GPR157: variants seen among roughly 807,000 people sequenced by gnomAD.
GPR157 encodes G-protein coupled receptor 157.
In GPR157, 16 loss-of-function variants were observed where a neutral mutation model predicts 23.5. The ratio of observed to expected loss-of-function variants is 0.68; its 90% CI spans 0.46 to 1.04. The LOEUF is 1.04. GPR157 is among the 50% of genes least tolerant of loss of function. The pLI is 0.00. For missense variants in GPR157, 440 were observed against 460.7 expected (o/e 0.96, Z 0.41); for synonymous variants, 200 against 221.5 (o/e 0.90, Z 0.86).
At chr1:9,117,587 C>T (rs796068418) in intron 1 of GPR157, among the ~76,000 whole-genome samples, 1 of 152,310 alleles carries the variant, frequency 6.6e-6, no homozygotes, top group African/African-American at 2.4e-5. Context: ...TGGCGAAACC[C>T]CATCTCTACT....
chr1:9,125,271 A>G (rs1354160470), intron 1 of GPR157, among the ~76,000 whole-genome samples: 1 of 151,448 alleles, frequency 6.6e-6, no homozygotes, highest in Non-Finnish European at 1.5e-5. Context: ...GCTGGAATGC[A>G]GTGGTGGTCT....
Position 9,105,094 on chromosome 1 carries a change from C to T in GPR157, c.792+392G>A, listed in dbSNP as rs1221263414. Among the ~76,000 whole-genome samples, 1 of 150,666 alleles carries T rather than the reference C, an allele frequency of 6.6e-6. No individual in the cohort carries two copies. The highest frequency in any genetic ancestry group is 1.5e-5 in the Non-Finnish European group (1 of 67,758). On this transcript the variant is annotated intron_variant, in intron 3 of 3. Coordinates refer to ENST00000377411, the MANE Select transcript of GPR157 (RefSeq NM_024980.5). This position sits in a 1 kb window ranked among gnomAD's most constrained non-coding sequence, Gnocchi z 4.8. Reference sequence around the variant, plus strand: ...ATGCATACACACATGCATACATGCACACACATGGGGTAGCTGGGAAGTGCT... The same window carrying T: ...ATGCATACACACATGCATACATGCATACACATGGGGTAGCTGGGAAGTGCT...
intron 1 of GPR157, among the ~76,000 whole-genome samples, chr1:9,114,103 T>C (rs939952346): frequency 1.3e-5 from 2 of 149,322 alleles, no homozygotes; most frequent in African/African-American, 2.5e-5. Context: ...CCAAGACAGG[T>C]GGACCACCTG....
intron 1 of GPR157, among the ~76,000 whole-genome samples, chr1:9,123,225 T>C (rs1361118115): frequency 8.3e-6 from 1 of 120,524 alleles, no homozygotes; most frequent in African/African-American, 3.3e-5. Context: ...TATTAAAATA[T>C]ATATTTAAAT....
chr1:9,116,150 T>TATACA (rs1553175007), intron 1 of GPR157, among the ~76,000 whole-genome samples: 1 of 32,358 alleles, frequency 3.1e-5, no homozygotes, highest in Non-Finnish European at 5.9e-5. Context: ...ATATATTATA[T>TATACA]TATATATATA....
rs61785821 is a variant in GPR157 at position 9,104,221 on chromosome 1, C to T, written c.*198G>A. The T allele has an allele frequency of 4.8e-3, 2,777 of 581,008 alleles. 45 individuals carry two copies. The highest frequency in any genetic ancestry group is 0.046 in the African/African-American group (2,456 of 53,664). The allele number at this position is 581,008 out of a possible 1,614,324, so 36.0% of individuals were successfully genotyped here. ...CACCCGTGGGCCAGGACGCTGGTAC[C>T]GGTGGAACTTGCTGCCTGAGGATCT... On this transcript the variant is annotated 3_prime_UTR_variant, in exon 4 of 4. Coordinates refer to ENST00000377411, the MANE Select transcript of GPR157 (RefSeq NM_024980.5).
chr1:9,125,547 C>T (rs1001286493), intron 1 of GPR157, among the ~76,000 whole-genome samples: 2 of 152,194 alleles, frequency 1.3e-5, no homozygotes, highest in Non-Finnish European at 2.9e-5. Context: ...AACTTGTGCA[C>T]GTGCAGGATT....
chr1:9,124,911 A>G (rs970107181), intron 1 of GPR157, among the ~76,000 whole-genome samples: 1 of 152,152 alleles, frequency 6.6e-6, no homozygotes, highest in Admixed American at 6.6e-5. Context: ...TCACCTCATA[A>G]TCAAATGACC....
At chr1:9,107,779 T>A (rs913539197) in intron 2 of GPR157, among the ~76,000 whole-genome samples, 22 of 151,972 alleles carry the variant, frequency 1.4e-4, no homozygotes, top group Non-Finnish European at 2.2e-4. Flanking sequence ...TACAAAAAAA[T>A]TATCGAGGCA....
At chr1:9,110,244 C>T (rs902135022) in intron 2 of GPR157, among the ~76,000 whole-genome samples, 3 of 152,064 alleles carry the variant, frequency 2.0e-5, no homozygotes, top group South Asian at 2.1e-4. Flanking sequence ...TGAATGAGGC[C>T]GGGCGCGGTG....
chr1:9,111,571 C>T (rs150334897), intron 1 of GPR157, 82 bp from the exon 2 acceptor site: 33 of 1,137,120 alleles, frequency 2.9e-5, no homozygotes, highest in East Asian at 1.2e-4. Flanking sequence ...TGACGGAGGA[C>T]GCCCTTCAGA....
chr1:9,120,118 G>C lies in GPR157; in HGVS notation c.383+8527C>G, dbSNP rs998296336. Among the ~76,000 whole-genome samples, 6 of 152,128 alleles carry C rather than the reference G, an allele frequency of 3.9e-5. No individual in the cohort carries two copies. Among genetic ancestry groups the C allele is most frequent in the Admixed American group, 3.9e-4 (6 of 15,272 alleles). On this transcript the variant is annotated intron_variant, in intron 1 of 3. Coordinates refer to ENST00000377411, the MANE Select transcript of GPR157 (RefSeq NM_024980.5). The surrounding 1 kb of genome is among the most constrained non-coding windows in gnomAD (Gnocchi z 4.1). ...CACACCTCCACTTCACACACAAATGGACAGTTATATTGAAAAGCAGCCCAC... is the reference window on the plus strand; with the variant it reads ...CACACCTCCACTTCACACACAAATGCACAGTTATATTGAAAAGCAGCCCAC...
Position 9,125,306 on chromosome 1 carries a change from T to C in GPR157, c.383+3339A>G, listed in dbSNP as rs181374159. ...TCGGCTCACTGCAGCCTCAACCTCCTGGGCTGAAGTGATCCTCCTGCCTCA... is the reference window on the plus strand; with the variant it reads ...TCGGCTCACTGCAGCCTCAACCTCCCGGGCTGAAGTGATCCTCCTGCCTCA... On this transcript the variant is annotated intron_variant, in intron 1 of 3. Transcript: ENST00000377411. 1.4e-3 allele frequency among the ~76,000 whole-genome samples: 220 copies of C among 152,118 alleles called. 4 individuals carry two copies. In the East Asian group the frequency reaches 0.034, roughly 24 times the overall value.
chr1:9,118,445 GC>G lies in GPR157; in HGVS notation c.384-6957del, dbSNP rs1638731897. Reference sequence around the variant, plus strand: ...GCCTGGACGGAGGAAGCCCGGGACAGCCACCTCGTGTGTAACTCTGATTGGC... The same window carrying G: ...GCCTGGACGGAGGAAGCCCGGGACAGCACCTCGTGTGTAACTCTGATTGGC... On this transcript the variant is annotated intron_variant, in intron 1 of 3. Transcript: ENST00000377411. The surrounding 1 kb of genome is among the most constrained non-coding windows in gnomAD (Gnocchi z 4.6). 6.6e-6 allele frequency among the ~76,000 whole-genome samples: 1 copy of G among 152,168 alleles called. No individual in the cohort carries two copies. Among genetic ancestry groups the G allele is most frequent in the African/African-American group, 2.4e-5 (1 of 41,450 alleles).
In GPR157 at chr1:9,104,382, G is replaced by A. The variant is rs765624078; in HGVS notation, c.*37C>T. 5.9e-6 allele frequency: 9 copies of A among 1,522,358 alleles called. No homozygotes were observed. The East Asian group carries it at 2.0e-4, about 34-fold the overall frequency. 94.3% of individuals were successfully genotyped at this position (1,522,358 alleles called of 1,614,324 possible). A position where few individuals can be genotyped will look rare whatever the true frequency, so the allele number is the denominator to read the frequency against. ...TCACAGAAGTGCCTACCCCCAGGAA[G>A]GCAGCACCTATGCACAGAACTAGAA... On this transcript the variant is annotated 3_prime_UTR_variant, in exon 4 of 4. Coordinates refer to ENST00000377411, the MANE Select transcript of GPR157 (RefSeq NM_024980.5).
chr1:9,103,777 C>G lies in GPR157; in HGVS notation c.*642G>C, dbSNP rs3795312. ...CCCAAGCTACGGCAAGGGTTAGCAG[C>G]CCATGGAGGGAGAGGCCAGGAGGCC... On this transcript the variant is annotated 3_prime_UTR_variant, in exon 4 of 4. Transcript: ENST00000377411. The G allele has an allele frequency of 0.11, 16,952 of 152,546 alleles. 1,026 individuals carry two copies. The highest frequency in any genetic ancestry group is 0.2 in the Middle Eastern group (60 of 298). The allele number at this position is 152,546 out of a possible 1,614,324, so 9.4% of individuals were successfully genotyped here. A position where few individuals can be genotyped will look rare whatever the true frequency, so the allele number is the denominator to read the frequency against.
At position 9,105,857 on chromosome 1, in the gene GPR157, C is replaced by T. The variant is rs1427286891; in HGVS notation, c.598-177G>A. On this transcript the variant is annotated intron_variant, in intron 2 of 3. Transcript: ENST00000377411. The surrounding 1 kb of genome is among the most constrained non-coding windows in gnomAD (Gnocchi z 4.8). The stretch of plus-strand genomic sequence containing the variant: ...TGCTAGATCCTCTGCCCAGTCCCCA[C>T]CTCCACATGGAGGTCTCAAAGTCAT... Among the ~76,000 whole-genome samples the T allele has an allele frequency of 6.6e-6, 1 of 152,136 alleles. No homozygotes were observed. Among genetic ancestry groups the T allele is most frequent in the Non-Finnish European group, 1.5e-5 (1 of 68,016 alleles).
intron 1 of GPR157, among the ~76,000 whole-genome samples, chr1:9,124,816 T>C (rs1429666532): frequency 2.0e-5 from 3 of 152,230 alleles, no homozygotes; most frequent in Admixed American, 6.5e-5. Flanking sequence ...ATGCACACAC[T>C]ATATTGTAAA....
chr1:9,123,565 ATATATTTTAAAT>A (rs1342473638), intron 1 of GPR157, among the ~76,000 whole-genome samples: 34 of 106,704 alleles, frequency 3.2e-4, no homozygotes, highest in Admixed American at 8.5e-4. Flanking sequence ...ATATATTTAA[ATATATTTTAAAT>A]ATATATTTAA....
Sources: allele counts gnomAD v4.1 joint callset (sites outside exome capture counted in the v4.1 genomes callset), GRCh38; gene constraint gnomAD v4.1.1; non-coding constraint Gnocchi (gnomAD v3.1); transcripts MANE v1.5; gene names NCBI Gene and HGNC (gene_info 2026-07-23, HGNC 2026-07-21).